TMEM114: variants seen among roughly 807,000 people sequenced by gnomAD.
TMEM114 encodes the protein claudin-26.
In TMEM114, 6 loss-of-function variants were observed where a neutral mutation model predicts 6.2. The ratio of observed to expected loss-of-function variants is 0.97; its 90% CI spans 0.53 to 1.91. The LOEUF (loss-of-function observed/expected upper bound fraction) is 1.91. TMEM114 is among the 40% of genes most tolerant of loss of function. The probability of loss-of-function intolerance (pLI) is 0.01; values close to 1 mark genes in which losing one functional copy is unlikely to be tolerated. For missense variants in TMEM114, 218 were observed against 158.3 expected (o/e 1.38, Z -2.02); for synonymous variants, 104 against 73.0 (o/e 1.42, Z -2.16).
intron 2 of TMEM114, among the ~76,000 whole-genome samples, chr16:8,562,688 G>GT (rs1567202439): frequency 4.7e-5 from 7 of 147,712 alleles, no homozygotes; most frequent in South Asian, 4.2e-4. Flanking sequence ...GAGTGAGTGA[G>GT]GGAATGAGTG....
At chr16:8,554,501 A>G (rs35886738) in intron 2 of TMEM114, among the ~76,000 whole-genome samples, 67,628 of 151,766 alleles carry the variant, frequency 0.45, 15,812 homozygotes, top group African/African-American at 0.57. Context: ...ACTTATCTCC[A>G]TTTGGAATCA....
chr16:8,562,830 G>C (rs1329507583), intron 2 of TMEM114, among the ~76,000 whole-genome samples: 5 of 150,968 alleles, frequency 3.3e-5, no homozygotes, highest in Non-Finnish European at 7.4e-5. Context: ...GGGAGGGAGG[G>C]AATGAGTGAG....
chr16:8,559,682 C>T (rs1901136530), intron 2 of TMEM114, among the ~76,000 whole-genome samples: 1 of 152,188 alleles, frequency 6.6e-6, no homozygotes, highest in Admixed American at 6.5e-5. Context: ...GAATGTGGGA[C>T]AGACGTCGAT....
At chr16:8,541,069 G>A (rs1209931023) in intron 2 of TMEM114, among the ~76,000 whole-genome samples, 1 of 152,180 alleles carries the variant, frequency 6.6e-6, no homozygotes, top group Non-Finnish European at 1.5e-5. Flanking sequence ...CCAGCCCCAT[G>A]CAGGGTCTAA....
At chr16:8,587,230 A>G (rs1215679282) in intron 2 of TMEM114, among the ~76,000 whole-genome samples, 1 of 152,196 alleles carries the variant, frequency 6.6e-6, no homozygotes, top group Non-Finnish European at 1.5e-5. Context: ...TATTCATACA[A>G]TAAATACATA....
downstream of TMEM114, among the ~76,000 whole-genome samples, chr16:8,534,785 A>G (rs1900309078): frequency 6.6e-6 from 1 of 152,220 alleles, no homozygotes; most frequent in African/African-American, 2.4e-5. Flanking sequence ...CAGAGTTATC[A>G]TCGCTATGGT....
At chr16:8,533,423 T>C (rs758816697), downstream of TMEM114, among the ~76,000 whole-genome samples, 1 of 152,138 alleles carries the variant, frequency 6.6e-6, no homozygotes, top group Non-Finnish European at 1.5e-5. Flanking sequence ...CCAAGGCCTG[T>C]GTGGATGGAG....
chr16:8,545,165 C>G (rs1900624959), intron 2 of TMEM114, among the ~76,000 whole-genome samples: 1 of 152,150 alleles, frequency 6.6e-6, no homozygotes, highest in Non-Finnish European at 1.5e-5. Flanking sequence ...TGGCCAGGCT[C>G]AATGGCTCAC....
At chr16:8,554,491 A>G (rs1338371768) in intron 2 of TMEM114, among the ~76,000 whole-genome samples, 1 of 152,134 alleles carries the variant, frequency 6.6e-6, no homozygotes, top group African/African-American at 2.4e-5. Flanking sequence ...CCTTCATAGC[A>G]CTTATCTCCA....
chr16:8,528,591 C>G, the TMEM114 span, among the ~76,000 whole-genome samples: 3 of 152,278 alleles, frequency 2.0e-5, no homozygotes, highest in South Asian at 2.1e-4. Context: ...GAATGACTCT[C>G]TCTCTCTCTT....
intron 2 of TMEM114, among the ~76,000 whole-genome samples, chr16:8,562,961 TGAGTGAGAGAGTGATGGAGGGAAG>T (rs1901322674): frequency 1.1e-5 from 1 of 93,616 alleles, no homozygotes; most frequent in African/African-American, 3.8e-5. Context: ...AGTGAGTGAA[TGAGTGAGAGAGTGATGGAGGGAAG>T]GAGTGAGTGA....
rs887391269 is a variant in TMEM114, at chr16:8,573,962, G to A, written c.302-1738C>T. 3.9e-5 allele frequency among the ~76,000 whole-genome samples: 6 copies of A among 152,216 alleles called. No homozygotes were observed. The East Asian group carries it at 1.2e-3, about 29-fold the overall frequency. ...GAGGTTCTGTTCTGGGACATGGTAA[G>A]TGCTGAAGAGATATGTGTTGACAAT... is the stretch of plus-strand genomic sequence containing the variant. On this transcript the variant is annotated intron_variant, in intron 2 of 3. Coordinates refer to ENST00000620492, the MANE Select transcript of TMEM114 (RefSeq NM_001146336.2).
At chr16:8,553,552 C>G (rs1900911073) in intron 2 of TMEM114, among the ~76,000 whole-genome samples, 2 of 152,076 alleles carry the variant, frequency 1.3e-5, no homozygotes, top group Admixed American at 6.5e-5. Context: ...GTGGCACGAT[C>G]TCGACTCACT....
At chr16:8,580,604 A>C (rs937594250) in intron 2 of TMEM114, among the ~76,000 whole-genome samples, 10 of 151,934 alleles carry the variant, frequency 6.6e-5, no homozygotes, top group African/African-American at 2.4e-4. Flanking sequence ...CTCAGTGTGC[A>C]TCTTCCCAGT....
the TMEM114 span, among the ~76,000 whole-genome samples, chr16:8,530,303 G>A: frequency 8.5e-5 from 13 of 152,232 alleles, no homozygotes; most frequent in South Asian, 2.1e-4. Flanking sequence ...TGAGTATTGC[G>A]GAGACCTGGC....
intron 2 of TMEM114, among the ~76,000 whole-genome samples, chr16:8,542,328 T>G (rs976511992): frequency 1.3e-5 from 2 of 152,202 alleles, no homozygotes; most frequent in Admixed American, 1.3e-4. Context: ...TTATCCTACC[T>G]CTGGGTAGCA....
chr16:8,541,563 C>T (rs937052969), intron 2 of TMEM114, among the ~76,000 whole-genome samples: 2 of 149,204 alleles, frequency 1.3e-5, no homozygotes, highest in African/African-American at 5.1e-5. Context: ...TCTGCTACAA[C>T]ATGAAGCTTC....
intron 2 of TMEM114, among the ~76,000 whole-genome samples, chr16:8,561,323 G>C (rs1294563064): frequency 6.6e-6 from 1 of 152,210 alleles, no homozygotes; most frequent in East Asian, 1.9e-4. Context: ...AGACTGGACA[G>C]GACATTATTT....
chr16:8,563,747 CAGTGAATAAGTGAGGGAATG>C (rs1901386569), intron 2 of TMEM114, among the ~76,000 whole-genome samples: 1 of 104,210 alleles, frequency 9.6e-6, no homozygotes. Context: ...ATGAATGAGT[CAGTGAATAAGTGAGGGAATG>C]AGTGAGTGAA....
Sources: allele counts gnomAD v4.1 joint callset (sites outside exome capture counted in the v4.1 genomes callset), GRCh38; gene constraint gnomAD v4.1.1; transcripts MANE v1.5; gene names NCBI Gene and HGNC (gene_info 2026-07-23, HGNC 2026-07-21).